Variants in BMP7 observed in about 807,000 individuals in gnomAD.
BMP7 encodes the protein bone morphogenetic protein 7.
In BMP7, 12 loss-of-function variants were observed where a neutral mutation model predicts 41.2. That is an observed-to-expected ratio of 0.29 (90% CI 0.19 to 0.47). The LOEUF (loss-of-function observed/expected upper bound fraction) is 0.47. BMP7 is among the 20% of genes least tolerant of loss of function. The pLI, the probability that BMP7 is intolerant of heterozygous loss-of-function variation, is 0.99. For synonymous variants in BMP7, 248 were observed against 250.0 expected, an observed-to-expected ratio of 0.99 and a Z score of 0.07; for missense variants, 467 against 606.0, an observed-to-expected ratio of 0.77 and a Z score of 2.41.
At chr20:57,175,663 G>A (rs553477561) in intron 4 of BMP7, among the ~76,000 whole-genome samples, 1 of 152,346 alleles carries the variant, frequency 6.6e-6, no homozygotes, top group South Asian at 2.1e-4. Flanking sequence ...TGTAAACATT[G>A]CAGAAGTGTC....
intron 1 of BMP7, among the ~76,000 whole-genome samples, chr20:57,265,027 G>A (rs2066169509): frequency 1.4e-4 from 1 of 6,942 alleles, no homozygotes; most frequent in Non-Finnish European, 4.0e-4. Context: ...GTGAAACTCC[G>A]TCTCAAAAAA....
intron 2 of BMP7, among the ~76,000 whole-genome samples, chr20:57,209,002 G>A (rs1316783205): frequency 1.3e-5 from 2 of 150,574 alleles, no homozygotes; most frequent in South Asian, 4.2e-4. Context: ...TGGGCAAGAC[G>A]GCAAAACCCC....
chr20:57,236,977 T>G (rs372353007), intron 1 of BMP7, among the ~76,000 whole-genome samples: 1 of 152,108 alleles, frequency 6.6e-6, no homozygotes, highest in Non-Finnish European at 1.5e-5. Context: ...CAGAAAAAAT[T>G]TGGTTAACCT....
intron 2 of BMP7, among the ~76,000 whole-genome samples, chr20:57,210,245 G>C (rs1176810790): frequency 6.6e-6 from 1 of 152,224 alleles, no homozygotes; most frequent in Non-Finnish European, 1.5e-5. Flanking sequence ...ACAGCGTGCT[G>C]CTGGGCTTTC....
chr20:57,185,544 G>T (rs1347599170), intron 3 of BMP7, among the ~76,000 whole-genome samples: 1 of 152,230 alleles, frequency 6.6e-6, no homozygotes, highest in African/African-American at 2.4e-5. Flanking sequence ...GAAATAGAGG[G>T]TGGAAGACAA....
At position 57,185,143 on chromosome 20, in the gene BMP7, C is replaced by T. The variant is rs1012870067; in HGVS notation, c.761-1224G>A. 1.4e-4 allele frequency among the ~76,000 whole-genome samples: 22 copies of T among 152,148 alleles called. 1 individual carries two copies. The highest frequency in any genetic ancestry group is 6.2e-4 in the South Asian group (3 of 4,822). Reference sequence around the variant, plus strand: ...ACAGAATGGTCCACGTGGGAGGTGACGTGAGACTGGACCCAGGGCAGTGGG... The same window carrying T: ...ACAGAATGGTCCACGTGGGAGGTGATGTGAGACTGGACCCAGGGCAGTGGG... On this transcript the variant is annotated intron_variant, in intron 3 of 6. Transcript: ENST00000395863.
At chr20:57,190,360 G>T (rs7351392) in intron 3 of BMP7, among the ~76,000 whole-genome samples, 49 of 134,304 alleles carry the variant, frequency 3.6e-4, no homozygotes, top group Non-Finnish European at 6.1e-4. Flanking sequence ...GGAACCAGAG[G>T]GGGTGAGGCT....
At chr20:57,222,729 C>A (rs1341759465) in intron 2 of BMP7, among the ~76,000 whole-genome samples, 39 of 152,080 alleles carry the variant, frequency 2.6e-4, no homozygotes, top group Non-Finnish European at 1.6e-4. Context: ...GAGAAGGCAG[C>A]TCAAAACCAG....
chr20:57,192,588 C>T (rs1052895597), intron 3 of BMP7, among the ~76,000 whole-genome samples: 2 of 151,696 alleles, frequency 1.3e-5, no homozygotes, highest in African/African-American at 4.8e-5. Context: ...ATCTGTAAGG[C>T]ATAGGGGCGA....
intron 4 of BMP7, among the ~76,000 whole-genome samples, chr20:57,180,225 A>G (rs571237312): frequency 4.5e-4 from 69 of 152,272 alleles, no homozygotes; most frequent in African/African-American, 1.5e-3. Flanking sequence ...ACTTCTGAAC[A>G]TGCTTGGCAT....
chr20:57,205,972 G>A (rs558542158), intron 2 of BMP7, among the ~76,000 whole-genome samples: 10 of 152,162 alleles, frequency 6.6e-5, no homozygotes, highest in African/African-American at 1.9e-4. Flanking sequence ...ATGCTAACAC[G>A]GGCTTTGCTT....
intron 4 of BMP7, among the ~76,000 whole-genome samples, chr20:57,179,973 C>G (rs1375583112): frequency 6.6e-6 from 1 of 152,010 alleles, no homozygotes; most frequent in Non-Finnish European, 1.5e-5. Context: ...ATTCTAAGCC[C>G]GCGATGCCTA....
chr20:57,219,291 CAG>C (rs1417873415), intron 2 of BMP7, among the ~76,000 whole-genome samples: 8 of 125,780 alleles, frequency 6.4e-5, no homozygotes, highest in African/African-American at 4.1e-4. Context: ...TGGTAGGTAG[CAG>C]TGAGCAAGGT....
At chr20:57,226,867 C>T (rs2066009211) in intron 2 of BMP7, among the ~76,000 whole-genome samples, 1 of 146,158 alleles carries the variant, frequency 6.8e-6, no homozygotes, top group Non-Finnish European at 1.5e-5. Context: ...CACTCTGTCA[C>T]CCAGGCTGGA....
At chr20:57,189,328 C>A (rs548308024) in intron 3 of BMP7, among the ~76,000 whole-genome samples, 1 of 152,206 alleles carries the variant, frequency 6.6e-6, no homozygotes, top group Non-Finnish European at 1.5e-5. Context: ...GGGCAGCGAC[C>A]TCCCATCCAT....
rs1459794903 is a variant in BMP7, at chr20:57,224,903, G to A, written c.611+3326C>T. Reference sequence around the variant, plus strand: ...ATTATCGGAATTTAATCTGGATTCCGAGAGATCAAGAGGAGTCAGTGGAAA... The same window carrying A: ...ATTATCGGAATTTAATCTGGATTCCAAGAGATCAAGAGGAGTCAGTGGAAA... On this transcript the variant is annotated intron_variant, in intron 2 of 6. Coordinates refer to ENST00000395863, the MANE Select transcript of BMP7 (RefSeq NM_001719.3). This position sits in a 1 kb window ranked among gnomAD's most constrained non-coding sequence, Gnocchi z 4.8. 3 of 152,296 alleles carry A rather than the reference G, an allele frequency of 2.0e-5. No homozygotes were observed. The highest frequency in any genetic ancestry group is 7.2e-5 in the African/African-American group (3 of 41,474). 9.4% of individuals were successfully genotyped at this position (152,296 alleles called of 1,614,324 possible).
chr20:57,232,852 TACACACACACACACACACAC>T (rs60368986), intron 1 of BMP7, among the ~76,000 whole-genome samples: 16 of 138,040 alleles, frequency 1.2e-4, no homozygotes, highest in African/African-American at 2.4e-4. Flanking sequence ...AGTCATGAAG[TACACACACACACACACACAC>T]ACACACACAC....
intron 4 of BMP7, among the ~76,000 whole-genome samples, chr20:57,180,283 C>T (rs1984046536): frequency 6.6e-6 from 1 of 151,390 alleles, no homozygotes; most frequent in Admixed American, 6.6e-5. Context: ...CTGACCCGCC[C>T]ACCCTCACTC....
rs537079852 is a variant in BMP7 at position 57,168,951 on chromosome 20, G to C, written c.*2008C>G. On this transcript the variant is annotated 3_prime_UTR_variant, in exon 7 of 7. Coordinates refer to ENST00000395863, the MANE Select transcript of BMP7 (RefSeq NM_001719.3). ...GTCCTGAACGAGGGATTAAAGGGGGGGGGGTGTTCAAAAGAGCTTTGGATG... is the reference window on the plus strand; with the variant it reads ...GTCCTGAACGAGGGATTAAAGGGGGCGGGGTGTTCAAAAGAGCTTTGGATG... The C allele has an allele frequency of 1.3e-5, 2 of 151,688 alleles. No homozygotes were observed. Among genetic ancestry groups the C allele is most frequent in the Non-Finnish European group, 2.9e-5 (2 of 67,992 alleles). 9.4% of individuals were successfully genotyped at this position (151,688 alleles called of 1,614,324 possible).
Sources: gnomAD v4.1 joint callset for allele counts (sites outside exome capture counted in the v4.1 genomes callset) on GRCh38, gnomAD v4.1.1 for gene constraint, Gnocchi (gnomAD v3.1) non-coding constraint, MANE v1.5 for transcripts, NCBI Gene and HGNC (gene_info 2026-07-23, HGNC 2026-07-21) for gene names.